C12orf42: variants seen among roughly 807,000 people sequenced by gnomAD.
The protein encoded by C12orf42 is uncharacterized protein C12orf42.
A neutral mutation model predicts 21.6 loss-of-function variants in C12orf42; 25 were observed. The observed-to-expected ratio is 1.16, with a 90% confidence interval of 0.84 to 1.62. C12orf42 has a LOEUF of 1.62. Among genes scored for constraint, C12orf42 ranks in the 40% most tolerant of loss-of-function variants. The pLI is 0.00. For missense variants in C12orf42, 483 were observed against 459.3 expected, an observed-to-expected ratio of 1.05 and a Z score of -0.47; for synonymous variants, 174 against 175.0, an observed-to-expected ratio of 0.99 and a Z score of 0.05.
chr12:103,291,981 G>A (rs58400732), intron 4 of C12orf42, among the ~76,000 whole-genome samples: 4,970 of 152,176 alleles, frequency 0.033, 264 homozygotes, highest in African/African-American at 0.11. Context: ...GTTGATAGCA[G>A]CATTATTCAT....
the C12orf42 span, among the ~76,000 whole-genome samples, chr12:103,167,447 A>G: frequency 1.3e-5 from 2 of 152,178 alleles, no homozygotes; most frequent in African/African-American, 4.8e-5. Flanking sequence ...CTAGTCCTTG[A>G]ATTGAACACT....
At chr12:103,295,897 G>A (rs947241791) in intron 4 of C12orf42, among the ~76,000 whole-genome samples, 1 of 151,564 alleles carries the variant, frequency 6.6e-6, no homozygotes, top group African/African-American at 2.4e-5. Context: ...AAGTTCTAGG[G>A]TACATGTGCA....
At chr12:103,294,749 C>CTTAAGAATTCTGCAGCA (rs2037139688) in intron 4 of C12orf42, among the ~76,000 whole-genome samples, 1 of 152,078 alleles carries the variant, frequency 6.6e-6, no homozygotes, top group South Asian at 2.1e-4. Context: ...CCCCATACAC[C>CTTAAGAATTCTGCAGCA]TTAAGAATTC....
At chr12:103,193,855 A>G in the C12orf42 span, among the ~76,000 whole-genome samples, 1 of 152,174 alleles carries the variant, frequency 6.6e-6, no homozygotes, top group African/African-American at 2.4e-5. Context: ...CTCTGATACC[A>G]AAAGCAGACA....
chr12:103,221,410 T>G, the C12orf42 span, among the ~76,000 whole-genome samples: 175 of 152,372 alleles, frequency 1.1e-3, no homozygotes, highest in African/African-American at 3.9e-3. Context: ...TGCTGAGTAC[T>G]GTGCCAGAAT....
the C12orf42 span, among the ~76,000 whole-genome samples, chr12:103,123,634 A>C: frequency 0.025 from 3,792 of 152,254 alleles, 150 homozygotes; most frequent in African/African-American, 0.086. Flanking sequence ...GCTATTGTGC[A>C]CTTGAAAAAT....
the C12orf42 span, among the ~76,000 whole-genome samples, chr12:103,113,845 T>A: frequency 1.4e-3 from 220 of 152,350 alleles, no homozygotes; most frequent in Non-Finnish European, 1.8e-3. Flanking sequence ...TTGTGAACAG[T>A]TACCTAGGAT....
downstream of C12orf42, among the ~76,000 whole-genome samples, chr12:103,232,654 T>A (rs1443546513): frequency 7.0e-6 from 1 of 142,508 alleles, no homozygotes; most frequent in Admixed American, 7.6e-5. Flanking sequence ...GAGCTTGAAG[T>A]GAGCCGAGAT....
intron 2 of C12orf42, among the ~76,000 whole-genome samples, chr12:103,413,208 G>A (rs952391045): frequency 6.6e-6 from 1 of 152,138 alleles, no homozygotes; most frequent in Non-Finnish European, 1.5e-5. Context: ...ATTGAATAAG[G>A]AGTCCTTTCC....
intron 4 of C12orf42, among the ~76,000 whole-genome samples, chr12:103,352,622 A>G (rs1180707334): frequency 1.3e-5 from 2 of 152,170 alleles, no homozygotes; most frequent in Non-Finnish European, 2.9e-5. Context: ...ACATTAAAAC[A>G]TAGAGTGGGA....
At chr12:103,338,531 C>T (rs2041914511) in intron 4 of C12orf42, among the ~76,000 whole-genome samples, 1 of 152,252 alleles carries the variant, frequency 6.6e-6, no homozygotes, top group African/African-American at 2.4e-5. Flanking sequence ...TTCCCGGCCA[C>T]TTGCAATTCT....
At chr12:103,311,553 A>G (rs1377971793) in intron 4 of C12orf42, among the ~76,000 whole-genome samples, 1 of 152,198 alleles carries the variant, frequency 6.6e-6, no homozygotes, top group Non-Finnish European at 1.5e-5. Flanking sequence ...AATCAGAAAC[A>G]GAGACTGTTG....
chr12:103,176,663 G>A, the C12orf42 span, among the ~76,000 whole-genome samples: 2 of 152,146 alleles, frequency 1.3e-5, no homozygotes, highest in African/African-American at 4.8e-5. Flanking sequence ...CATGGGTGAG[G>A]TCCTGAAGAT....
chr12:103,066,974 G>A, the C12orf42 span, among the ~76,000 whole-genome samples: 1 of 152,318 alleles, frequency 6.6e-6, no homozygotes, highest in African/African-American at 2.4e-5. Context: ...CAGGGATGGA[G>A]GTTTCACATG....
the C12orf42 span, among the ~76,000 whole-genome samples, chr12:103,084,309 G>T: frequency 6.6e-6 from 1 of 152,272 alleles, no homozygotes; most frequent in Non-Finnish European, 1.5e-5. Context: ...TTTAGAACAA[G>T]AATTGCTGCT....
At chr12:103,072,714 C>T in the C12orf42 span, among the ~76,000 whole-genome samples, 17 of 152,254 alleles carry the variant, frequency 1.1e-4, no homozygotes, top group Non-Finnish European at 1.8e-4. Flanking sequence ...AACAAAGTTA[C>T]GCTTCCACCA....
chr12:103,190,627 G>A, the C12orf42 span, among the ~76,000 whole-genome samples: 23 of 152,132 alleles, frequency 1.5e-4, no homozygotes, highest in African/African-American at 5.6e-4. Flanking sequence ...ATGCCATATA[G>A]GGCTTCAATA....
intron 3 of C12orf42, among the ~76,000 whole-genome samples, chr12:103,395,366 C>A (rs1276140482): frequency 6.9e-6 from 1 of 145,806 alleles, no homozygotes; most frequent in African/African-American, 2.6e-5. Flanking sequence ...GACGGAGTCT[C>A]ACTCTGTCGC....
At chr12:103,155,566 C>T in the C12orf42 span, among the ~76,000 whole-genome samples, 2,534 of 151,986 alleles carry the variant, frequency 0.017, 28 homozygotes, top group South Asian at 0.033. Context: ...CCAGAGAGCA[C>T]ATTGGGATGC....
Sources: gnomAD v4.1 joint callset for allele counts (sites outside exome capture counted in the v4.1 genomes callset) on GRCh38, gnomAD v4.1.1 for gene constraint, MANE v1.5 for transcripts, NCBI Gene and HGNC (gene_info 2026-07-23, HGNC 2026-07-21) for gene names.